The following CBFA2T2 variants were observed in gnomAD, a reference collection of about 807,000 sequenced individuals.
CBFA2T2 encodes the protein protein CBFA2T2.
CBFA2T2 carries 11 observed loss-of-function variants against 62.2 expected under a neutral mutation model. That is an observed-to-expected ratio of 0.18 (90% CI 0.11 to 0.29). The LOEUF (loss-of-function observed/expected upper bound fraction) is 0.29, where lower values mean the gene tolerates loss of function less well. Among genes scored for constraint, CBFA2T2 ranks in the 10% least tolerant of loss-of-function variants. The pLI is 1.00. For synonymous variants in CBFA2T2, 295 were observed against 287.5 expected (o/e 1.03, Z -0.27); for missense variants, 592 against 774.1 (o/e 0.76, Z 2.79).
intron 1 of CBFA2T2, among the ~76,000 whole-genome samples, chr20:33,603,699 T>G (rs574735348): frequency 6.6e-6 from 1 of 152,268 alleles, no homozygotes; most frequent in East Asian, 1.9e-4. Flanking sequence ...AAGCCACAAT[T>G]GAGGGAAAAG....
intron 1 of CBFA2T2, among the ~76,000 whole-genome samples, chr20:33,492,696 A>C (rs1023650845): frequency 2.0e-5 from 3 of 151,742 alleles, no homozygotes; most frequent in African/African-American, 7.3e-5. Flanking sequence ...TTTTTTGTAG[A>C]GATGGGGTCT....
At chr20:33,548,550 C>G (rs2012642600) in intron 1 of CBFA2T2, among the ~76,000 whole-genome samples, 1 of 151,980 alleles carries the variant, frequency 6.6e-6, no homozygotes, top group Admixed American at 6.6e-5. Flanking sequence ...GGCCTGATTT[C>G]TTAATTAGTT....
intron 1 of CBFA2T2, among the ~76,000 whole-genome samples, chr20:33,520,393 C>G (rs1401562469): frequency 6.6e-6 from 1 of 152,076 alleles, no homozygotes; most frequent in Non-Finnish European, 1.5e-5. Flanking sequence ...GTCTTGGTAA[C>G]CAAGCTCTCA....
At chr20:33,643,957 A>G (rs2016958171) in intron 10 of CBFA2T2, among the ~76,000 whole-genome samples, 1 of 150,580 alleles carries the variant, frequency 6.6e-6, no homozygotes, top group South Asian at 2.1e-4. Flanking sequence ...CTTAGGATAG[A>G]TGGCTCTTGG....
chr20:33,558,692 A>G (rs1236800432), intron 1 of CBFA2T2, among the ~76,000 whole-genome samples: 2 of 152,094 alleles, frequency 1.3e-5, no homozygotes, highest in Non-Finnish European at 2.9e-5. Context: ...TCGTTTTATA[A>G]TAGTGGCAAT....
At chr20:33,625,921 T>C (rs1457189812) in intron 6 of CBFA2T2, among the ~76,000 whole-genome samples, 2 of 152,084 alleles carry the variant, frequency 1.3e-5, no homozygotes, top group Non-Finnish European at 2.9e-5. Flanking sequence ...GCTAATACAG[T>C]GAAACCCTGT....
At chr20:33,524,047 C>T (rs1318404818) in intron 1 of CBFA2T2, among the ~76,000 whole-genome samples, 3 of 151,870 alleles carry the variant, frequency 2.0e-5, no homozygotes, top group Non-Finnish European at 4.4e-5. Context: ...TTAGAGCAGA[C>T]TTCAGTTTTT....
intron 1 of CBFA2T2, among the ~76,000 whole-genome samples, chr20:33,567,783 C>G (rs1311055356): frequency 1.3e-5 from 2 of 151,766 alleles, no homozygotes; most frequent in Non-Finnish European, 2.9e-5. Flanking sequence ...GGGGTTTCAC[C>G]ATGTTGGCCA....
intron 3 of CBFA2T2, among the ~76,000 whole-genome samples, chr20:33,617,391 A>G (rs2015749907): frequency 6.6e-6 from 1 of 152,208 alleles, no homozygotes; most frequent in South Asian, 2.1e-4. Context: ...TTATGCTCTT[A>G]ATATAAAATA....
Position 33,629,707 on chromosome 20 carries a change from T to C in CBFA2T2, c.1033-12T>C. 6.2e-7 allele frequency: 1 copy of C among 1,608,832 alleles called. No homozygotes were observed. Among genetic ancestry groups the C allele is most frequent in the Non-Finnish European group, 8.5e-7 (1 of 1,177,536 alleles). On this transcript the variant is annotated splice_polypyrimidine_tract_variant and intron_variant, in intron 7 of 10. Transcript: ENST00000342704. ...CTTATCTCATCTCTGCCTGGCCCCC[T>C]CTGTGACTCAGGCGCTGAATTGCAT...
In CBFA2T2 at chr20:33,648,013, G is replaced by A. The variant is rs1222554704; in HGVS notation, c.*3367G>A. On this transcript the variant is annotated 3_prime_UTR_variant, in exon 11 of 11. Coordinates refer to ENST00000342704, the MANE Select transcript of CBFA2T2 (RefSeq NM_001032999.3). ...TGGTCAGGAGGAGGAGCACCATTGG[G>A]GCGGGGTAGGCAGCTAGAGGCGCAG... The A allele has an allele frequency of 2.0e-5, 3 of 152,280 alleles. No homozygotes were observed. Among genetic ancestry groups the A allele is most frequent in the Non-Finnish European group, 4.4e-5 (3 of 68,060 alleles). The allele number at this position is 152,280 out of a possible 1,614,324, so 9.4% of individuals were successfully genotyped here. A position where few individuals can be genotyped will look rare whatever the true frequency, so the allele number is the denominator to read the frequency against.
intron 8 of CBFA2T2, among the ~76,000 whole-genome samples, chr20:33,633,377 AAAATAAAT>A (rs66921034): frequency 8.8e-5 from 13 of 147,480 alleles, no homozygotes; most frequent in Admixed American, 2.7e-4. Flanking sequence ...TCGCAAAAAA[AAAATAAAT>A]AAATAAATAA....
At chr20:33,591,394 A>C (rs1286457261) in intron 1 of CBFA2T2, among the ~76,000 whole-genome samples, 1 of 150,670 alleles carries the variant, frequency 6.6e-6, no homozygotes, top group East Asian at 1.9e-4. Context: ...GAATTGCTTG[A>C]ACCCGGGAGG....
intron 1 of CBFA2T2, among the ~76,000 whole-genome samples, chr20:33,542,361 C>G (rs2012430508): frequency 6.6e-6 from 1 of 152,072 alleles, no homozygotes; most frequent in African/African-American, 2.4e-5. Context: ...TCCTGGCTAC[C>G]TAGTATTTTA....
intron 8 of CBFA2T2, among the ~76,000 whole-genome samples, chr20:33,635,094 T>C (rs907170834): frequency 4.6e-5 from 7 of 152,178 alleles, no homozygotes; most frequent in Non-Finnish European, 1.0e-4. Context: ...TACCAAGACC[T>C]GCAAGACAGT....
intron 1 of CBFA2T2, among the ~76,000 whole-genome samples, chr20:33,591,398 C>T (rs561116866): frequency 6.8e-6 from 1 of 147,778 alleles, no homozygotes; most frequent in South Asian, 2.1e-4. Flanking sequence ...TGCTTGAACC[C>T]GGGAGGCCGA....
intron 1 of CBFA2T2, among the ~76,000 whole-genome samples, chr20:33,524,445 A>G (rs1423570101): frequency 6.6e-6 from 1 of 152,118 alleles, no homozygotes; most frequent in East Asian, 1.9e-4. Flanking sequence ...TGGAATAATG[A>G]AGGGGCTTTC....
chr20:33,556,833 A>C (rs2012909218), intron 1 of CBFA2T2, among the ~76,000 whole-genome samples: 1 of 152,060 alleles, frequency 6.6e-6, no homozygotes, highest in Non-Finnish European at 1.5e-5. Context: ...GGTTAAAAAA[A>C]TTAAATATGG....
At chr20:33,600,181 AG>A (rs1568844369) in intron 1 of CBFA2T2, among the ~76,000 whole-genome samples, 2 of 97,756 alleles carry the variant, frequency 2.0e-5, no homozygotes, top group African/African-American at 3.9e-5. Flanking sequence ...ACTTTTGGAA[AG>A]TTTTTTTTTT....
Sources: allele counts gnomAD v4.1 joint callset (sites outside exome capture counted in the v4.1 genomes callset), GRCh38; gene constraint gnomAD v4.1.1; transcripts MANE v1.5; gene names NCBI Gene and HGNC (gene_info 2026-07-23, HGNC 2026-07-21).